CASR: variants seen among roughly 807,000 people sequenced by gnomAD.
CASR encodes the protein calcium sensing receptor, also known as extracellular calcium-sensing receptor.
In CASR, 23 loss-of-function variants were observed where a neutral mutation model predicts 69.1. The ratio of observed to expected loss-of-function variants is 0.33; its 90% CI spans 0.24 to 0.47. The LOEUF (loss-of-function observed/expected upper bound fraction) is 0.47, where lower values mean the gene tolerates loss of function less well. Among genes scored for constraint, CASR ranks in the 20% least tolerant of loss-of-function variants. CASR has a pLI of 1.00. For synonymous variants in CASR, 541 were observed against 544.7 expected, an observed-to-expected ratio of 0.99 and a Z score of 0.10; for missense variants, 924 against 1,356.1, an observed-to-expected ratio of 0.68 and a Z score of 5.00.
At position 122,282,113 on chromosome 3, in the gene CASR, G is replaced by A. The variant is rs1250951106; in HGVS notation, c.1609G>A (p.Val537Met). 1.2e-6 allele frequency: 2 copies of A among 1,614,096 alleles called. No homozygotes were observed. Among genetic ancestry groups the A allele is most frequent in the African/African-American group, 2.7e-5 (2 of 74,914 alleles). ...KILWSGFSRE[V>M]PFSNCSRDCL... ...CACCTTTGTGCTGTCTGTCCTCCAG[G>A]TGCCCTTCTCCAACTGCAGCCGAGA... Residue 537 changes from valine (V) to methionine (M), a missense_variant and splice_region_variant, in exon 6 of 7, where the codon GTG (valine) becomes ATG (methionine). Physicochemically the swap from Val to Met is conservative, Grantham distance 21. This residue lies in a region of CASR where 310 missense variants were observed against 395.7 expected (regional missense o/e 0.78). Transcript: ENST00000639785.
chr3:122,255,838 G>C (rs1271969700), intron 2 of CASR, among the ~76,000 whole-genome samples: 1 of 152,192 alleles, frequency 6.6e-6, no homozygotes, highest in Non-Finnish European at 1.5e-5. Context: ...ATACAATGGA[G>C]TATAAAAGAT....
chr3:122,217,167 A>C (rs2074125162), intron 1 of CASR, among the ~76,000 whole-genome samples: 1 of 151,604 alleles, frequency 6.6e-6, no homozygotes, highest in South Asian at 2.1e-4. Context: ...GTGCAGCGAC[A>C]TGATCTCAGC....
At chr3:122,236,940 C>G (rs1229158085) in intron 1 of CASR, among the ~76,000 whole-genome samples, 1 of 152,068 alleles carries the variant, frequency 6.6e-6, no homozygotes, top group African/African-American at 2.4e-5. Flanking sequence ...TCTGGCCTTT[C>G]ATTGCAGTGG....
At chr3:122,281,202 A>G (rs945036175) in intron 5 of CASR, among the ~76,000 whole-genome samples, 1 of 152,220 alleles carries the variant, frequency 6.6e-6, no homozygotes, top group African/African-American at 2.4e-5. Context: ...TTTGTTTTTA[A>G]CAAAAACTAA....
chr3:122,186,431 A>T (rs1396064658), intron 1 of CASR, among the ~76,000 whole-genome samples: 1 of 152,230 alleles, frequency 6.6e-6, no homozygotes, highest in Non-Finnish European at 1.5e-5. Context: ...GGAGTTGCAT[A>T]TAATTCTTAA....
At chr3:122,277,968 A>G (rs2074842188) in intron 5 of CASR, among the ~76,000 whole-genome samples, 1 of 152,210 alleles carries the variant, frequency 6.6e-6, no homozygotes, top group South Asian at 2.1e-4. Context: ...TTCCATAGAA[A>G]TATTACCTCA....
At chr3:122,231,420 G>GT (rs2074277382) in intron 1 of CASR, among the ~76,000 whole-genome samples, 1 of 152,208 alleles carries the variant, frequency 6.6e-6, no homozygotes. Flanking sequence ...AAGAGCTAAT[G>GT]TTTTTTGAGC....
intron 3 of CASR, among the ~76,000 whole-genome samples, chr3:122,259,790 C>T (rs960633125): frequency 6.6e-5 from 10 of 151,932 alleles, no homozygotes; most frequent in African/African-American, 9.7e-5. Context: ...CCACCACGCC[C>T]GGCTAATTTT....
At chr3:122,280,447 C>A (rs184665271) in intron 5 of CASR, among the ~76,000 whole-genome samples, 2 of 152,288 alleles carry the variant, frequency 1.3e-5, no homozygotes, top group African/African-American at 4.8e-5. Flanking sequence ...TAGAAGCATT[C>A]CTAGTGTGGG....
Position 122,254,062 on chromosome 3 carries a change from T to C in CASR, c.-128T>C. 3.5e-6 allele frequency: 3 copies of C among 863,382 alleles called. No individual in the cohort carries two copies. The highest frequency in any genetic ancestry group is 5.9e-6 in the Non-Finnish European group (3 of 507,692). The allele number at this position is 863,382 out of a possible 1,614,324, so 53.5% of individuals were successfully genotyped here. ...GGAGATTCAAACACCACGTCTTCTA[T>C]TATTTTATTAATCAATCTGTAGACA... On this transcript the variant is annotated 5_prime_UTR_variant, in exon 2 of 7. Transcript: ENST00000639785.
Position 122,275,860 on chromosome 3 carries a change from C to A in CASR, c.1426C>A (p.Gln476Lys). ...AAACTTTACAAACAATATGGGGGAG[C>A]AGGTGACCTTTGATGAGTGTGGTGA... The part of the protein sequence containing the change: ...HLNFTNNMGE[Q>K]VTFDECGDLV... The change falls in exon 5 of 7, where the codon CAG becomes AAG. Residue 476 changes from glutamine to lysine, a missense_variant. Around this residue, in one of 8 missense-constraint regions of CASR, gnomAD observed 310 missense variants for 395.7 expected, o/e 0.78. Coordinates refer to ENST00000639785, the MANE Select transcript of CASR (RefSeq NM_000388.4). The A allele has an allele frequency of 5.6e-6, 9 of 1,614,142 alleles. No homozygotes were observed. Among genetic ancestry groups the A allele is most frequent in the South Asian group, 2.2e-5 (2 of 91,074 alleles).
chr3:122,285,571 G>A lies in CASR; in HGVS notation c.*380G>A. On this transcript the variant is annotated 3_prime_UTR_variant, in exon 7 of 7. Transcript: ENST00000639785. ...GGACATCAAATTTGCCACCACTAGA[G>A]CTGAGAGTCTGAAAGACAGAATGTC... The A allele has an allele frequency of 4.0e-6, 1 of 247,672 alleles. No homozygotes were observed. The highest frequency in any genetic ancestry group is 5.8e-5 in the South Asian group (1 of 17,338). The allele number at this position is 247,672 out of a possible 1,614,324, so 15.3% of individuals were successfully genotyped here.
At chr3:122,201,909 G>A (rs2073957576) in intron 1 of CASR, among the ~76,000 whole-genome samples, 1 of 152,028 alleles carries the variant, frequency 6.6e-6, no homozygotes, top group Admixed American at 6.5e-5. Context: ...ATGGCGGCCG[G>A]GCAGAGACGC....
rs981056199 is a variant in CASR at position 122,286,939 on chromosome 3, G to A, written c.*1748G>A. The A allele has an allele frequency of 1.3e-5, 2 of 152,212 alleles. No homozygotes were observed. The highest frequency in any genetic ancestry group is 2.9e-5 in the Non-Finnish European group (2 of 68,048). The allele number at this position is 152,212 out of a possible 1,614,324, so 9.4% of individuals were successfully genotyped here. ...ACTTGATAGTTGTTAAGATTATAAT[G>A]AGAAATCATTAGAGGGCACCATGTG... On this transcript the variant is annotated 3_prime_UTR_variant, in exon 7 of 7. Coordinates refer to ENST00000639785, the MANE Select transcript of CASR (RefSeq NM_000388.4).
chr3:122,212,538 G>A (rs778628494), intron 1 of CASR, among the ~76,000 whole-genome samples: 5 of 151,990 alleles, frequency 3.3e-5, no homozygotes, highest in Admixed American at 6.5e-5. Context: ...TGCACATCCT[G>A]CACATGTATA....
intron 1 of CASR, among the ~76,000 whole-genome samples, chr3:122,217,535 G>C (rs978955202): frequency 6.6e-6 from 1 of 152,166 alleles, no homozygotes; most frequent in African/African-American, 2.4e-5. Context: ...GAACGAGTAG[G>C]AATAATGTAA....
chr3:122,228,531 T>C (rs375389298), intron 1 of CASR, among the ~76,000 whole-genome samples: 7 of 152,336 alleles, frequency 4.6e-5, no homozygotes, highest in African/African-American at 1.7e-4. Flanking sequence ...ACTTCTTCAA[T>C]TGAGATTACA....
Position 122,285,327 on chromosome 3 carries a change from A to G in CASR, c.*136A>G, listed in dbSNP as rs1173142233. 2.6e-6 allele frequency: 2 copies of G among 758,978 alleles called. No homozygotes were observed. Among genetic ancestry groups the G allele is most frequent in the Middle Eastern group, 3.4e-4 (1 of 2,916 alleles). The allele number at this position is 758,978 out of a possible 1,614,324, so 47.0% of individuals were successfully genotyped here. A position where few individuals can be genotyped will look rare whatever the true frequency, so the allele number is the denominator to read the frequency against. ...CATCAAATGCCCCGAATTTAGTCAC[A>G]CCATCTTAAATGACAGTGAATTGAC... On this transcript the variant is annotated 3_prime_UTR_variant, in exon 7 of 7. Transcript: ENST00000639785.
chr3:122,202,241 A>C (rs2073963135), intron 1 of CASR, among the ~76,000 whole-genome samples: 1 of 152,088 alleles, frequency 6.6e-6, no homozygotes, highest in African/African-American at 2.4e-5. Flanking sequence ...ACACAGCGAA[A>C]CCCCGTCTCC....
Sources: gnomAD v4.1 joint callset for allele counts (sites outside exome capture counted in the v4.1 genomes callset) on GRCh38, gnomAD v4.1.1 for gene constraint, gnomAD v4.1.1 regional missense constraint, MANE v1.5 for transcripts, NCBI Gene and HGNC (gene_info 2026-07-23, HGNC 2026-07-21) for gene names.